Variants in AUTS2 observed in about 807,000 individuals in gnomAD.
The protein encoded by AUTS2 is autism susceptibility gene 2 protein.
Under a neutral mutation model 112.4 loss-of-function variants are expected in AUTS2, and 17 were observed. The ratio of observed to expected loss-of-function variants is 0.15; its 90% CI spans 0.10 to 0.23. AUTS2 has a LOEUF of 0.23. Ranked by LOEUF, AUTS2 falls within the 10% of genes least tolerant of loss-of-function variation. AUTS2 has a pLI of 1.00. For missense variants in AUTS2, 1,510 were observed against 1,701.6 expected (o/e 0.89, Z 1.98); for synonymous variants, 751 against 702.7 (o/e 1.07, Z -1.09).
chr7:70,654,484 T>C (rs553961432), intron 5 of AUTS2, among the ~76,000 whole-genome samples: 1 of 152,338 alleles, frequency 6.6e-6, no homozygotes, highest in East Asian at 1.9e-4. Context: ...ATGTAAACCA[T>C]ACTGCTTATT....
intron 4 of AUTS2, among the ~76,000 whole-genome samples, chr7:70,339,519 A>C (rs896411549): frequency 1.3e-5 from 2 of 152,208 alleles, no homozygotes; most frequent in African/African-American, 4.8e-5. Flanking sequence ...CTATTGTATT[A>C]ATAAGGATTA....
intron 5 of AUTS2, among the ~76,000 whole-genome samples, chr7:70,665,955 C>T (rs181967151): frequency 6.6e-6 from 1 of 152,296 alleles, no homozygotes; most frequent in African/African-American, 2.4e-5. Context: ...ATGCATGTGG[C>T]TGACAGAGGA....
intron 1 of AUTS2, among the ~76,000 whole-genome samples, chr7:69,666,394 G>C (rs1416631955): frequency 6.6e-6 from 1 of 152,164 alleles, no homozygotes; most frequent in African/African-American, 2.4e-5. Context: ...CTAAGTACTT[G>C]TTGATCAAAT....
intron 1 of AUTS2, among the ~76,000 whole-genome samples, chr7:69,823,633 G>A (rs978961750): frequency 2.0e-5 from 3 of 152,048 alleles, no homozygotes; most frequent in African/African-American, 4.8e-5. Flanking sequence ...TAGTTGTGCC[G>A]GGCCTGCTAA....
intron 1 of AUTS2, among the ~76,000 whole-genome samples, chr7:69,778,023 T>C (rs1788968649): frequency 6.6e-6 from 1 of 152,138 alleles, no homozygotes; most frequent in South Asian, 2.1e-4. Flanking sequence ...GCTAGAGAGA[T>C]AGGTAGAAAT....
At chr7:69,645,026 A>G (rs967576806) in intron 1 of AUTS2, among the ~76,000 whole-genome samples, 2 of 151,648 alleles carry the variant, frequency 1.3e-5, no homozygotes, top group Non-Finnish European at 2.9e-5. Flanking sequence ...CTCCTGCCTC[A>G]GCTACCTGAG....
intron 5 of AUTS2, among the ~76,000 whole-genome samples, chr7:70,696,623 G>A (rs1809121458): frequency 2.0e-5 from 3 of 152,120 alleles, no homozygotes; most frequent in African/African-American, 7.2e-5. Flanking sequence ...GCTGACAAAG[G>A]TGGCAGAAGC....
chr7:69,919,303 T>A (rs1795714398), intron 2 of AUTS2, among the ~76,000 whole-genome samples: 1 of 152,196 alleles, frequency 6.6e-6, no homozygotes, highest in African/African-American at 2.4e-5. Flanking sequence ...TCTGTTAAGG[T>A]TCCTCTTTCA....
intron 6 of AUTS2, among the ~76,000 whole-genome samples, chr7:70,727,097 A>G (rs1378617674): frequency 6.6e-6 from 1 of 152,156 alleles, no homozygotes; most frequent in East Asian, 1.9e-4. Flanking sequence ...CGGTAATGTA[A>G]CTTTCAGAAC....
At chr7:70,408,035 CAG>C (rs1794614657) in intron 4 of AUTS2, among the ~76,000 whole-genome samples, 1 of 136,324 alleles carries the variant, frequency 7.3e-6, no homozygotes, top group East Asian at 2.2e-4. Context: ...GCCTGGGCGA[CAG>C]AGCGAGACTC....
intron 1 of AUTS2, among the ~76,000 whole-genome samples, chr7:69,750,879 G>T (rs1054448120): frequency 6.6e-6 from 1 of 152,026 alleles, no homozygotes; most frequent in Non-Finnish European, 1.5e-5. Context: ...GAATGAAATG[G>T]AAACCCCGTG....
At chr7:69,934,849 C>T (rs1796350562) in intron 2 of AUTS2, among the ~76,000 whole-genome samples, 1 of 152,178 alleles carries the variant, frequency 6.6e-6, no homozygotes, top group Non-Finnish European at 1.5e-5. Flanking sequence ...TTTTGCCCAG[C>T]TGTGCTTGCC....
intron 2 of AUTS2, among the ~76,000 whole-genome samples, chr7:70,089,490 A>G (rs771771525): frequency 3.3e-5 from 5 of 151,908 alleles, no homozygotes; most frequent in Non-Finnish European, 7.4e-5. Context: ...GTGTCCTTAT[A>G]TTTAGAGTCC....
rs1161193784 is a variant in AUTS2, at chr7:70,688,147, C to T, written c.691-10422C>T. On this transcript the variant is annotated intron_variant, in intron 5 of 18. Coordinates refer to ENST00000342771, the MANE Select transcript of AUTS2 (RefSeq NM_015570.4). Reference sequence around the variant, plus strand: ...TTGTCTGCCCTGAGCATTCTCCCAACCTTATCAGTTACCCAGACACTTGTT... The same window carrying T: ...TTGTCTGCCCTGAGCATTCTCCCAATCTTATCAGTTACCCAGACACTTGTT... 2.0e-5 allele frequency among the ~76,000 whole-genome samples: 3 copies of T among 152,284 alleles called. No homozygotes were observed. In the East Asian group the frequency reaches 5.8e-4, roughly 29 times the overall value.
intron 4 of AUTS2, among the ~76,000 whole-genome samples, chr7:70,412,969 GAC>G (rs1794837937): frequency 6.6e-6 from 1 of 152,184 alleles, no homozygotes; most frequent in African/African-American, 2.4e-5. Context: ...CAGTCTGGGC[GAC>G]AGAGTGAGAC....
In AUTS2 at chr7:70,010,839, G is replaced by A. The variant is rs941743094; in HGVS notation, c.523-107293G>A. 8.5e-5 allele frequency among the ~76,000 whole-genome samples: 13 copies of A among 152,294 alleles called. 1 individual carries two copies. The highest frequency in any genetic ancestry group is 3.4e-3 in the Middle Eastern group (1 of 294). On this transcript the variant is annotated intron_variant, in intron 2 of 18. Coordinates refer to ENST00000342771, the MANE Select transcript of AUTS2 (RefSeq NM_015570.4). The stretch of plus-strand genomic sequence containing the variant: ...CTACAGTGCTCACCAGATTGCTTCT[G>A]TCATACTTCACCTGGACATCTGTGG...
At chr7:70,212,189 A>T (rs1810942959) in intron 4 of AUTS2, among the ~76,000 whole-genome samples, 1 of 152,208 alleles carries the variant, frequency 6.6e-6, no homozygotes, top group Non-Finnish European at 1.5e-5. Flanking sequence ...GAGTGTTAAC[A>T]AAAGGGAATA....
chr7:69,832,999 C>G (rs1009534806), intron 1 of AUTS2, among the ~76,000 whole-genome samples: 8 of 152,076 alleles, frequency 5.3e-5, no homozygotes, highest in Non-Finnish European at 2.9e-5. Context: ...CCTTGATGTC[C>G]ACAAGGAGCT....
intron 1 of AUTS2, among the ~76,000 whole-genome samples, chr7:69,887,780 G>T (rs1158677538): frequency 6.6e-6 from 1 of 152,188 alleles, no homozygotes; most frequent in Non-Finnish European, 1.5e-5. Context: ...TCTGTGAATA[G>T]TGAGGTACTG....
Sources: gnomAD v4.1 joint callset for allele counts (sites outside exome capture counted in the v4.1 genomes callset) on GRCh38, gnomAD v4.1.1 for gene constraint, MANE v1.5 for transcripts, NCBI Gene and HGNC (gene_info 2026-07-23, HGNC 2026-07-21) for gene names.